The following DISC1 variants were observed in gnomAD, a reference collection of about 807,000 sequenced individuals.
DISC1 encodes the protein disrupted in schizophrenia 1 protein.
In DISC1, 57 loss-of-function variants were observed where a neutral mutation model predicts 84.5. The ratio of observed to expected loss-of-function variants is 0.67; its 90% confidence interval spans 0.55 to 0.84. The LOEUF (loss-of-function observed/expected upper bound fraction) is 0.84. Ranked by LOEUF, DISC1 falls within the 40% of genes least tolerant of loss-of-function variation. DISC1 has a pLI of 0.00. For synonymous variants in DISC1, 411 were observed against 415.2 expected, an observed-to-expected ratio of 0.99 and a Z score of 0.12; for missense variants, 1,000 against 1,057.8, an observed-to-expected ratio of 0.95 and a Z score of 0.76.
intron 9 of DISC1, among the ~76,000 whole-genome samples, chr1:231,839,122 C>T (rs958834511): frequency 1.3e-5 from 2 of 152,086 alleles, no homozygotes; most frequent in African/African-American, 2.4e-5. Context: ...GGGCATGCAC[C>T]GTGGCTTGGG....
chr1:231,902,393 G>T (rs970997276), intron 9 of DISC1, among the ~76,000 whole-genome samples: 1 of 152,118 alleles, frequency 6.6e-6, no homozygotes, highest in Non-Finnish European at 1.5e-5. Context: ...CTGATGTCAG[G>T]AGTTCAAGAT....
chr1:231,763,706 C>T (rs1337920552), intron 4 of DISC1, among the ~76,000 whole-genome samples: 1 of 152,208 alleles, frequency 6.6e-6, no homozygotes, highest in Non-Finnish European at 1.5e-5. Flanking sequence ...GAGTCTCCCC[C>T]AGCTTTAAAG....
intron 11 of DISC1, among the ~76,000 whole-genome samples, chr1:232,018,225 T>C (rs941077468): frequency 2.6e-5 from 4 of 152,196 alleles, no homozygotes; most frequent in Non-Finnish European, 5.9e-5. Context: ...ACCAGATACT[T>C]TCTCTTATCA....
intron 9 of DISC1, among the ~76,000 whole-genome samples, chr1:231,908,497 A>G (rs918677956): frequency 6.6e-6 from 1 of 152,046 alleles, no homozygotes; most frequent in Non-Finnish European, 1.5e-5. Context: ...GATGTGTGGT[A>G]TTATTTCTGA....
chr1:231,715,706 A>G (rs916851053), intron 3 of DISC1, among the ~76,000 whole-genome samples: 1 of 152,244 alleles, frequency 6.6e-6, no homozygotes, highest in Non-Finnish European at 1.5e-5. Context: ...ATTTAGAAAT[A>G]ATCAACTCTT....
intron 10 of DISC1, among the ~76,000 whole-genome samples, chr1:231,970,360 T>C (rs1042702431): frequency 6.6e-6 from 1 of 152,204 alleles, no homozygotes; most frequent in Non-Finnish European, 1.5e-5. Flanking sequence ...CTGATCATGA[T>C]GACTTGTTTC....
chr1:231,846,827 T>A (rs1465941507), intron 9 of DISC1, among the ~76,000 whole-genome samples: 2 of 152,182 alleles, frequency 1.3e-5, no homozygotes, highest in Admixed American at 6.5e-5. Flanking sequence ...TGTGATTAGT[T>A]CAGGAACTGT....
chr1:231,729,380 T>C (rs2071211513), intron 3 of DISC1, among the ~76,000 whole-genome samples: 2 of 152,232 alleles, frequency 1.3e-5, no homozygotes, highest in African/African-American at 2.4e-5. Flanking sequence ...CTGGGTCAAA[T>C]GGTATTTCTA....
chr1:231,852,754 C>T (rs1481572754), intron 9 of DISC1, among the ~76,000 whole-genome samples: 1 of 152,210 alleles, frequency 6.6e-6, no homozygotes, highest in Non-Finnish European at 1.5e-5. Flanking sequence ...GTGCCAATTC[C>T]ATCTTCCATA....
intron 9 of DISC1, among the ~76,000 whole-genome samples, chr1:231,863,181 C>G (rs1331305399): frequency 7.0e-6 from 1 of 143,514 alleles, no homozygotes; most frequent in Non-Finnish European, 1.5e-5. Context: ...ATAGAACTAA[C>G]AAGAATTTAG....
chr1:231,965,930 A>G (rs901213561), intron 10 of DISC1, among the ~76,000 whole-genome samples: 1 of 152,212 alleles, frequency 6.6e-6, no homozygotes, highest in African/African-American at 2.4e-5. Context: ...GTCTAATTCT[A>G]TTAGACTGTG....
chr1:231,893,401 A>G (rs1348332071), intron 9 of DISC1, among the ~76,000 whole-genome samples: 1 of 152,238 alleles, frequency 6.6e-6, no homozygotes, highest in Non-Finnish European at 1.5e-5. Flanking sequence ...TAAAATTCTC[A>G]GCATAAAATA....
intron 10 of DISC1, among the ~76,000 whole-genome samples, chr1:231,992,389 T>C (rs1246213014): frequency 6.6e-6 from 1 of 152,210 alleles, no homozygotes; most frequent in Non-Finnish European, 1.5e-5. Context: ...TTCAAAACTC[T>C]TTGCTGGTTA....
chr1:231,937,909 T>A (rs1024560835), intron 9 of DISC1, among the ~76,000 whole-genome samples: 2 of 152,076 alleles, frequency 1.3e-5, no homozygotes, highest in Non-Finnish European at 2.9e-5. Flanking sequence ...CTTGGCAGCA[T>A]CTGATCCAGT....
intron 10 of DISC1, among the ~76,000 whole-genome samples, chr1:232,002,595 G>GCACACACACACACA (rs55740228): frequency 4.9e-5 from 7 of 143,626 alleles, no homozygotes; most frequent in East Asian, 2.1e-4. Context: ...ATTATGCTGA[G>GCACACACACACACA]CACACACACA....
intron 9 of DISC1, among the ~76,000 whole-genome samples, chr1:231,831,173 C>T (rs2082195344): frequency 6.6e-6 from 1 of 152,156 alleles, no homozygotes; most frequent in Non-Finnish European, 1.5e-5. Flanking sequence ...CAGTCCTGGG[C>T]AGGGGCAAAT....
chr1:231,882,109 C>T (rs969565080), intron 9 of DISC1, among the ~76,000 whole-genome samples: 3 of 152,178 alleles, frequency 2.0e-5, no homozygotes, highest in Non-Finnish European at 4.4e-5. Context: ...TTTGCGGGCA[C>T]AGATTAGCTA....
chr1:231,904,281 T>C lies in DISC1; in HGVS notation c.1982-54547T>C, dbSNP rs148639727. Among the ~76,000 whole-genome samples, 903 of 152,332 alleles carry C rather than the reference T, an allele frequency of 5.9e-3. 10 individuals are homozygous for C. Among genetic ancestry groups the C allele is most frequent in the African/African-American group, 0.02 (839 of 41,578 alleles). ...ACATTACATTTCCCTCAAAAATTCA[T>C]TGGAGCTCTTCTCTCTCTTCCTTTT... On this transcript the variant is annotated intron_variant, in intron 9 of 12. Coordinates refer to ENST00000439617, the MANE Select transcript of DISC1 (RefSeq NM_018662.3).
chr1:231,758,241 T>C (rs1187662527), intron 4 of DISC1, among the ~76,000 whole-genome samples: 1 of 152,196 alleles, frequency 6.6e-6, no homozygotes, highest in Non-Finnish European at 1.5e-5. Context: ...CTCAGGTCCC[T>C]GTCTCAGGCT....
Sources: gnomAD v4.1 joint callset for allele counts (sites outside exome capture counted in the v4.1 genomes callset) on GRCh38, gnomAD v4.1.1 for gene constraint, MANE v1.5 for transcripts, NCBI Gene and HGNC (gene_info 2026-07-23, HGNC 2026-07-21) for gene names.